Variants in LAS1L observed in about 807,000 individuals in gnomAD.
LAS1L encodes LAS1 like ribosome biogenesis factor.
In LAS1L, 5 loss-of-function variants were observed where a neutral mutation model predicts 57.3. The ratio of observed to expected loss-of-function variants is 0.09; its 90% CI spans 0.05 to 0.18. The LOEUF is 0.18. Among genes scored for constraint, LAS1L ranks in the 10% least tolerant of loss-of-function variants. LAS1L has a pLI of 1.00. For synonymous variants in LAS1L, 245 were observed against 231.7 expected (o/e 1.06, Z -0.52); for missense variants, 360 against 568.3 (o/e 0.63, Z 3.73).
chrX:65,515,163 C>T (rs1401347216), intron 12 of LAS1L, among the ~76,000 whole-genome samples, 190 bp from the exon 13 acceptor site: 2 of 111,771 alleles, frequency 1.8e-5, no homozygotes, highest in African/African-American at 6.5e-5. Context: ...ACCACACATT[C>T]TTTATGGTCC....
intron 2 of LAS1L, among the ~76,000 whole-genome samples, chrX:65,533,060 A>G (rs1452701787): frequency 8.9e-6 from 1 of 111,971 alleles, no homozygotes; most frequent in Non-Finnish European, 1.9e-5. Flanking sequence ...ATGAAAACTC[A>G]GTAGCAACCT....
At chrX:65,527,653 T>A (rs973658367) in intron 7 of LAS1L, among the ~76,000 whole-genome samples, 1 of 109,661 alleles carries the variant, frequency 9.1e-6, no homozygotes, top group East Asian at 2.9e-4. Flanking sequence ...GCCAACATGG[T>A]GAAACTCTGT....
rs374830663 is a variant in LAS1L at position 65,533,885 on chromosome X, G to A, written c.237-150C>T. 7.5e-5 allele frequency: 44 copies of A among 587,438 alleles called. No homozygotes were observed. The East Asian group carries it at 1.1e-3, about 14-fold the overall frequency. 48.4% of individuals were successfully genotyped at this position (587,438 alleles called of 1,213,427 possible). On this transcript the variant is annotated intron_variant, in intron 1 of 13. Coordinates refer to ENST00000374811, the MANE Select transcript of LAS1L (RefSeq NM_031206.7). ...AAAACAAGAAGGTGGGAGGAGACAC[G>A]GTAATGTCTGTGGGATCCAACAGTA...
chrX:65,516,927 ACT>A (rs775286207), intron 12 of LAS1L, among the ~76,000 whole-genome samples: 2 of 108,923 alleles, frequency 1.8e-5, no homozygotes, highest in African/African-American at 6.7e-5. Flanking sequence ...CTCCCCTCTC[ACT>A]CTCTGCCACT....
chrX:65,524,012 C>T, intron 10 of LAS1L, 44 bp downstream of exon 10: 1 of 1,136,107 alleles, frequency 8.8e-7, no homozygotes, highest in Non-Finnish European at 1.2e-6. Context: ...GAGGCTCCTG[C>T]CTGGGCTGCC....
Position 65,534,764 on chromosome X carries a change from A to T in LAS1L, c.-49T>A, listed in dbSNP as rs188902388. 9.7e-7 allele frequency: 1 copy of T among 1,027,215 alleles called. No homozygotes were observed. Among genetic ancestry groups the T allele is most frequent in the African/African-American group, 1.9e-5 (1 of 53,632 alleles). The allele number at this position is 1,027,215 out of a possible 1,213,427, so 84.7% of individuals were successfully genotyped here. A position where few individuals can be genotyped will look rare whatever the true frequency, so the allele number is the denominator to read the frequency against. On this transcript the variant is annotated 5_prime_UTR_variant, in exon 1 of 14. Coordinates refer to ENST00000374811, the MANE Select transcript of LAS1L (RefSeq NM_031206.7). The stretch of plus-strand genomic sequence containing the variant: ...TGCCGCGCCGCTCCGCACAGCCTTC[A>T]GCTCAGCGTGCTACCCTCACTCCGA...
In LAS1L at chrX:65,533,979, G is replaced by T. The variant is rs186398778; in HGVS notation, c.237-244C>A. Among the ~76,000 whole-genome samples, 162 of 111,943 alleles carry T rather than the reference G, an allele frequency of 1.4e-3. 2 individuals are homozygous for T. The highest frequency in any genetic ancestry group is 5.2e-3 in the African/African-American group (159 of 30,797). ...ACTGGTAGACTGTCCATCAACAGTTGTGTGGACACACCCCTTTCTTTCACC... is the reference window on the plus strand; with the variant it reads ...ACTGGTAGACTGTCCATCAACAGTTTTGTGGACACACCCCTTTCTTTCACC... On this transcript the variant is annotated intron_variant, in intron 1 of 13. Coordinates refer to ENST00000374811, the MANE Select transcript of LAS1L (RefSeq NM_031206.7).
At chrX:65,524,760 C>A (rs2069039921) in intron 8 of LAS1L, 146 bp from the exon 9 acceptor site, 3 of 448,862 alleles carry the variant, frequency 6.7e-6, no homozygotes, top group Non-Finnish European at 7.9e-6. Context: ...CCCACCCCAC[C>A]CCATTCCAGA....
intron 7 of LAS1L, among the ~76,000 whole-genome samples, chrX:65,527,816 G>A (rs1387941276): frequency 9.1e-6 from 1 of 110,372 alleles, no homozygotes; most frequent in Non-Finnish European, 1.9e-5. Context: ...CTGGGTAACA[G>A]AGCAAGACAC....
At chrX:65,523,449 C>T (rs944592128) in intron 11 of LAS1L, 111 bp downstream of exon 11, 39 of 789,783 alleles carry the variant, frequency 4.9e-5, no homozygotes, top group Non-Finnish European at 6.4e-5. Context: ...GGGAGTGAGA[C>T]TGGGCTAGAC....
Position 65,518,125 on chromosome X carries a change from C to T in LAS1L, c.1789G>A (p.Asp597Asn). The T allele has an allele frequency of 8.3e-7, 1 of 1,198,689 alleles. No individual in the cohort carries two copies. Among genetic ancestry groups the T allele is most frequent in the Middle Eastern group, 2.3e-4 (1 of 4,334 alleles). Residue 597 changes from aspartate to asparagine, a missense_variant, in exon 12 of 14, where the codon GAT (aspartate) becomes AAT (asparagine). By Grantham distance (23) the Asp-to-Asn change is conservative. Around this residue, in one of 7 missense-constraint regions of LAS1L, gnomAD observed 123 missense variants for 168.3 expected, o/e 0.73. Coordinates refer to ENST00000374811, the MANE Select transcript of LAS1L (RefSeq NM_031206.7). ...CTGTCTTCCTCTTCATCATCTTCAT[C>T]ATCTTCATCCTCCTCTTCCTCCTCT... ...DQEEEEEDEDDEDDEEEDRME... is the reference protein window; with the variant it reads ...DQEEEEEDEDNEDDEEEDRME...
At chrX:65,530,400 C>T (rs2069410609) in intron 4 of LAS1L, among the ~76,000 whole-genome samples, 1 of 111,305 alleles carries the variant, frequency 9.0e-6, no homozygotes, top group South Asian at 3.7e-4. Context: ...GGGGAGTGGC[C>T]GGGCACTGTG....
intron 11 of LAS1L, chrX:65,518,880 T>A (rs2068742679): frequency 1.3e-6 from 1 of 753,239 alleles, no homozygotes; most frequent in South Asian, 6.8e-5. Flanking sequence ...CTCTCTTCTC[T>A]GGCCTAGCTG....
At position 65,523,635 on chromosome X, in the gene LAS1L, G is replaced by A. The variant is rs1262981010; in HGVS notation, c.1373C>T (p.Ala458Val). ...RRGWRLFNCS[A>V]SLDWPRMVES... ...AACCATCCGGGGCCAGTCAAGGGAGGCGGAGCAGTTGAACAGCCTCCAGCC... is the reference window on the plus strand; with the variant it reads ...AACCATCCGGGGCCAGTCAAGGGAGACGGAGCAGTTGAACAGCCTCCAGCC... Residue 458 changes from alanine (A) to valine (V), a missense_variant, in exon 11 of 14, where the codon GCC (alanine) becomes GTC (valine). By Grantham distance (64) the Ala-to-Val change is moderately conservative (BLOSUM62 0). Transcript: ENST00000374811. 8.3e-7 allele frequency: 1 copy of A among 1,199,342 alleles called. No individual in the cohort carries two copies. The highest frequency in any genetic ancestry group is 1.7e-5 in the African/African-American group (1 of 57,214).
At chrX:65,529,325 G>C (rs892695459) in intron 5 of LAS1L, 67 bp from the exon 6 acceptor site, 1 of 929,099 alleles carries the variant, frequency 1.1e-6, no homozygotes, top group African/African-American at 2.0e-5. Context: ...GGGATTCTGA[G>C]CCTCTCTCAC....
At chrX:65,531,689 T>G (rs931775629) in intron 3 of LAS1L, among the ~76,000 whole-genome samples, 3 of 112,348 alleles carry the variant, frequency 2.7e-5, no homozygotes, top group African/African-American at 9.7e-5. Context: ...GGCTCATGCC[T>G]GTAATCCCAG....
chrX:65,526,652 G>A (rs745657880), intron 7 of LAS1L, among the ~76,000 whole-genome samples: 2 of 111,590 alleles, frequency 1.8e-5, no homozygotes. Flanking sequence ...GCCTCCACAC[G>A]TTCTTAGCGG....
chrX:65,514,955 G>A lies in LAS1L; in HGVS notation c.1946C>T (p.Thr649Ile). ...QVSSEDVRWD[T>I]FPLGRMPGQT... ...ACCTGGCATTCGGCCTAGGGGAAAT[G>A]TGTCCCATCGCACGTCTTCTGTGGA... The change falls in exon 13 of 14, where the codon ACA becomes ATA. Residue 649 changes from threonine to isoleucine, a missense_variant. Thr to Ile is a moderately conservative substitution (Grantham distance 89). Around this residue, in one of 7 missense-constraint regions of LAS1L, gnomAD observed 123 missense variants for 168.3 expected, o/e 0.73. Coordinates refer to ENST00000374811, the MANE Select transcript of LAS1L (RefSeq NM_031206.7). 1 of 1,208,964 alleles carries A rather than the reference G, an allele frequency of 8.3e-7. No homozygotes were observed. The highest frequency in any genetic ancestry group is 1.1e-6 in the Non-Finnish European group (1 of 894,052).
In LAS1L at chrX:65,514,846, C is replaced by T. The variant is rs774887359; in HGVS notation, c.2055G>A (p.Leu685=). 1.8e-5 allele frequency: 22 copies of T among 1,198,109 alleles called. No homozygotes were observed. The South Asian group carries it at 4.0e-4, about 22-fold the overall frequency. The part of the protein sequence containing the change: ...LLDQPVLEQR[L]EPSTCKTDTL... ...ACTCAGTCTTGCATGTTGAGGGTTCCAGCCGCTGCTCTAGCACAGGCTGGT... is the reference window on the plus strand; with the variant it reads ...ACTCAGTCTTGCATGTTGAGGGTTCTAGCCGCTGCTCTAGCACAGGCTGGT... Residue 685 remains leucine, a synonymous_variant, in exon 13 of 14, where the codon CTG becomes CTA. Coordinates refer to ENST00000374811, the MANE Select transcript of LAS1L (RefSeq NM_031206.7).
Sources: gnomAD v4.1 joint callset for allele counts (sites outside exome capture counted in the v4.1 genomes callset) on GRCh38, gnomAD v4.1.1 for gene constraint, gnomAD v4.1.1 regional missense constraint, MANE v1.5 for transcripts, NCBI Gene and HGNC (gene_info 2026-07-23, HGNC 2026-07-21) for gene names.